Variants in ICA1L observed in about 807,000 individuals in gnomAD.
The protein encoded by ICA1L is islet cell autoantigen 1 like, also known as islet cell autoantigen 1-like protein.
Under a neutral mutation model 61.3 loss-of-function variants are expected in ICA1L, and 50 were observed. The ratio of observed to expected loss-of-function variants is 0.82; its 90% confidence interval spans 0.65 to 1.03. The LOEUF (loss-of-function observed/expected upper bound fraction) is 1.03, where lower values mean the gene tolerates loss of function less well. Among genes scored for constraint, ICA1L ranks in the 50% least tolerant of loss-of-function variants. The pLI is 0.00. For synonymous variants in ICA1L, 161 were observed against 191.3 expected, an observed-to-expected ratio of 0.84 and a Z score of 1.31; for missense variants, 508 against 556.7, an observed-to-expected ratio of 0.91 and a Z score of 0.88.
At chr2:202,863,987 CAAGA>C (rs1481935143) in intron 1 of ICA1L, among the ~76,000 whole-genome samples, 3 of 152,098 alleles carry the variant, frequency 2.0e-5, no homozygotes, top group Non-Finnish European at 2.9e-5. Context: ...AAAACTAACA[CAAGA>C]AAGAATCATC....
intron 11 of ICA1L, among the ~76,000 whole-genome samples, chr2:202,787,883 G>A (rs1692635141): frequency 6.6e-6 from 1 of 152,220 alleles, no homozygotes; most frequent in African/African-American, 2.4e-5. Context: ...TACTGAGGAG[G>A]ACTTCAAGGA....
At chr2:202,803,400 C>CAAAAAA (rs71030990) in intron 9 of ICA1L, among the ~76,000 whole-genome samples, 23 of 60,580 alleles carry the variant, frequency 3.8e-4, no homozygotes, top group East Asian at 1.2e-3. Context: ...GACTCGATCT[C>CAAAAAA]AAAAAAAAAA....
At position 202,774,301 on chromosome 2, in the gene ICA1L, G is replaced by C. The variant is rs1018469884; in HGVS notation, c.*5232C>G. 1.3e-6 allele frequency: 2 copies of C among 1,513,540 alleles called. No homozygotes were observed. The highest frequency in any genetic ancestry group is 4.5e-5 in the Admixed American group (2 of 44,034). 93.8% of individuals were successfully genotyped at this position (1,513,540 alleles called of 1,614,324 possible). On this transcript the variant is annotated 3_prime_UTR_variant, in exon 13 of 13. Coordinates refer to ENST00000358299, the MANE Select transcript of ICA1L (RefSeq NM_001288622.3). ...CGTGCAGGCACCTACGGGCGACCGC[G>C]GACGGCGGCGCGCGCGTTCCCCGCA...
chr2:202,847,708 T>C (rs992344146), intron 1 of ICA1L, among the ~76,000 whole-genome samples: 1 of 148,126 alleles, frequency 6.8e-6, no homozygotes, highest in East Asian at 2.0e-4. Context: ...TATATATATA[T>C]AGTTAAGCAG....
chr2:202,804,340 T>G (rs1050891445), intron 9 of ICA1L, among the ~76,000 whole-genome samples: 1 of 152,246 alleles, frequency 6.6e-6, no homozygotes, highest in Non-Finnish European at 1.5e-5. Context: ...GGACAAGCTG[T>G]GTAAGGGATA....
chr2:202,841,100 C>T (rs1694317340), intron 1 of ICA1L: 2 of 636,846 alleles, frequency 3.1e-6, no homozygotes, highest in Admixed American at 1.9e-5. Flanking sequence ...CCTCTTCATA[C>T]AGCTGCCCGA....
intron 8 of ICA1L, 126 bp from the exon 9 acceptor site, chr2:202,811,915 G>C (rs1693390674): frequency 1.4e-6 from 1 of 714,986 alleles, no homozygotes; most frequent in South Asian, 1.7e-5. Flanking sequence ...TTGTCCACTA[G>C]ATCCCCTAAA....
intron 1 of ICA1L, among the ~76,000 whole-genome samples, chr2:202,839,509 A>G (rs919657918): frequency 4.6e-5 from 7 of 151,216 alleles, no homozygotes; most frequent in African/African-American, 1.7e-4. Flanking sequence ...AAAAAAAAAA[A>G]AAAAAAAAAA....
chr2:202,860,000 T>C (rs931574533), intron 1 of ICA1L: 7 of 152,214 alleles, frequency 4.6e-5, no homozygotes, highest in African/African-American at 1.7e-4. Flanking sequence ...AAGAACATTT[T>C]TGTCTGGGTG....
chr2:202,829,787 TTTA>T (rs1184016372), intron 1 of ICA1L, among the ~76,000 whole-genome samples: 18 of 152,290 alleles, frequency 1.2e-4, no homozygotes, highest in African/African-American at 4.3e-4. Context: ...AAAATTATAT[TTTA>T]TTTGATATCT....
chr2:202,868,222 C>CA lies in ICA1L; in HGVS notation c.-8+3396dup, dbSNP rs558518232. Among the ~76,000 whole-genome samples, 30 of 150,768 alleles carry CA rather than the reference C, an allele frequency of 2.0e-4. 1 individual carries two copies. In the South Asian group the frequency reaches 2.3e-3, roughly 11 times the overall value. ...TATTATCTGAATTTCCCCTCAAAAA[C>CA]AAAAAAAAACTTTTGATAAAAGAGC... On this transcript the variant is annotated intron_variant, in intron 1 of 12. Transcript: ENST00000358299.
chr2:202,779,851 C>G (rs1198297343), intron 12 of ICA1L, among the ~76,000 whole-genome samples: 1 of 143,722 alleles, frequency 7.0e-6, no homozygotes, highest in African/African-American at 2.6e-5. Flanking sequence ...CCCTATGTTG[C>G]CCAGGCTGGT....
intron 12 of ICA1L, among the ~76,000 whole-genome samples, chr2:202,785,235 AAAG>A (rs1361596184): frequency 1.3e-5 from 2 of 151,730 alleles, no homozygotes; most frequent in African/African-American, 4.8e-5. Context: ...AAAAAAAAAA[AAAG>A]AAAAGAAAAA....
At chr2:202,838,735 C>A (rs1694222155) in intron 1 of ICA1L, among the ~76,000 whole-genome samples, 1 of 151,720 alleles carries the variant, frequency 6.6e-6, no homozygotes, top group African/African-American at 2.4e-5. Flanking sequence ...TAAAGAAATA[C>A]CTGAAGCTGG....
In ICA1L at chr2:202,816,071, A is replaced by T; in HGVS notation, c.685-62T>A. 1.9e-6 allele frequency: 2 copies of T among 1,027,378 alleles called. 1 individual carries two copies. The highest frequency in any genetic ancestry group is 3.3e-5 in the African/African-American group (2 of 60,172). The allele number at this position is 1,027,378 out of a possible 1,614,324, so 63.6% of individuals were successfully genotyped here. On this transcript the variant is annotated intron_variant, in intron 6 of 12. Transcript: ENST00000358299. The stretch of plus-strand genomic sequence containing the variant: ...TCCCCTCCATGATTTTTTAAGTGCT[A>T]TATTTCCTTACTAGTTTAGTAGATG...
chr2:202,804,698 A>C (rs114024781), intron 9 of ICA1L, among the ~76,000 whole-genome samples: 1,985 of 152,326 alleles, frequency 0.013, 39 homozygotes, highest in African/African-American at 0.045. Flanking sequence ...TCCTGCATTC[A>C]ACAGTTTGAG....
chr2:202,807,152 A>G (rs972124760), intron 9 of ICA1L, among the ~76,000 whole-genome samples: 3 of 152,168 alleles, frequency 2.0e-5, no homozygotes, highest in Middle Eastern at 3.2e-3. Context: ...ATAACAACCA[A>G]ACATCGGGTG....
intron 1 of ICA1L, among the ~76,000 whole-genome samples, chr2:202,845,229 G>T (rs904793910): frequency 1.3e-5 from 2 of 152,108 alleles, no homozygotes; most frequent in Admixed American, 6.6e-5. Flanking sequence ...ATAGGTTTCA[G>T]GAATTAGGAC....
chr2:202,832,129 G>C (rs1694027516), intron 1 of ICA1L, among the ~76,000 whole-genome samples: 1 of 152,178 alleles, frequency 6.6e-6, no homozygotes, highest in Non-Finnish European at 1.5e-5. Flanking sequence ...ACAGTTTGGA[G>C]TCTGAGTTCA....
Sources: gnomAD v4.1 joint callset for allele counts (sites outside exome capture counted in the v4.1 genomes callset) on GRCh38, gnomAD v4.1.1 for gene constraint, MANE v1.5 for transcripts, NCBI Gene and HGNC (gene_info 2026-07-23, HGNC 2026-07-21) for gene names.